The following CDC26 variants were observed in gnomAD, a reference collection of about 807,000 sequenced individuals.
CDC26 encodes the protein cell division cycle 26.
A neutral mutation model predicts 8.0 loss-of-function variants in CDC26; 2 were observed. The observed-to-expected ratio is 0.25, with a 90% CI of 0.10 to 0.79. The LOEUF is 0.79. Among genes scored for constraint, CDC26 ranks in the 30% least tolerant of loss-of-function variants. The probability of loss-of-function intolerance (pLI) is 0.70; values close to 1 mark genes in which losing one functional copy is unlikely to be tolerated. For missense variants in CDC26, 68 were observed against 106.0 expected (o/e 0.64, Z 1.57); for synonymous variants, 19 against 34.9 (o/e 0.55, Z 1.60).
intron 3 of CDC26, among the ~76,000 whole-genome samples, chr9:113,268,649 C>T (rs769008685): frequency 4.6e-5 from 7 of 152,236 alleles, no homozygotes; most frequent in Non-Finnish European, 1.0e-4. Flanking sequence ...ACCGCAGTGG[C>T]TCATGCCTGT....
At position 113,272,308 on chromosome 9, in the gene CDC26, C is replaced by T. The variant is rs1329619023; in HGVS notation, c.81+119G>A. 20 of 739,606 alleles carry T rather than the reference C, an allele frequency of 2.7e-5. 1 individual carries two copies. The highest frequency in any genetic ancestry group is 3.9e-4 in the Middle Eastern group (1 of 2,594). The allele number at this position is 739,606 out of a possible 1,614,324, so 45.8% of individuals were successfully genotyped here. On this transcript the variant is annotated intron_variant, in intron 3 of 3. Transcript: ENST00000374206. ...CTGGCATGAACCTGTGGTCCCAGCACGCGGGAGGCTGAGGCAGAGGAGGCA... is the reference window on the plus strand; with the variant it reads ...CTGGCATGAACCTGTGGTCCCAGCATGCGGGAGGCTGAGGCAGAGGAGGCA...
chr9:113,274,115 A>T (rs1365161002), intron 1 of CDC26, among the ~76,000 whole-genome samples: 2 of 152,196 alleles, frequency 1.3e-5, no homozygotes, highest in Non-Finnish European at 2.9e-5. Context: ...TTAACACAAA[A>T]ACCCTGTGAA....
chr9:113,267,511 C>G, intron 3 of CDC26, 72 bp from the exon 4 acceptor site: 1 of 1,523,280 alleles, frequency 6.6e-7, no homozygotes, highest in South Asian at 1.3e-5. Context: ...GAACACCTAC[C>G]ATGTACTAGG....
At chr9:113,273,963 T>C (rs1460151450) in intron 1 of CDC26, among the ~76,000 whole-genome samples, 1 of 152,220 alleles carries the variant, frequency 6.6e-6, no homozygotes, top group African/African-American at 2.4e-5. Context: ...TTAATATCTG[T>C]TGATGGCATC....
Position 113,267,395 on chromosome 9 carries a change from A to G in CDC26, c.126T>C (p.Ser42=). ...QKEDVEVVGG[S]DGEGAIGLSS... The stretch of plus-strand genomic sequence containing the variant: ...TAAGCCCAATGGCTCCTTCTCCATC[A>G]CTGCCTCCTACAACTTCCACATCTT... The change falls in exon 4 of 4, where the codon AGT becomes AGC. Residue 42 remains serine, a synonymous_variant. Coordinates refer to ENST00000374206, the MANE Select transcript of CDC26 (RefSeq NM_139286.4). 6.3e-7 allele frequency: 1 copy of G among 1,596,234 alleles called. No homozygotes were observed. Among genetic ancestry groups the G allele is most frequent in the Non-Finnish European group, 8.5e-7 (1 of 1,174,714 alleles).
At chr9:113,273,479 G>A (rs1278835768) in intron 1 of CDC26, 41 bp from the exon 2 acceptor site, 2 of 152,212 alleles carry the variant, frequency 1.3e-5, no homozygotes, top group Non-Finnish European at 2.9e-5. Context: ...ATCATGTAAT[G>A]AGAACCCTGA....
intron 3 of CDC26, 128 bp from the exon 4 acceptor site, chr9:113,267,567 A>AGTG: frequency 7.2e-6 from 9 of 1,247,474 alleles, no homozygotes; most frequent in Non-Finnish European, 1.0e-5. Context: ...AATAAACTGA[A>AGTG]ATCCTAGGTT....
intron 3 of CDC26, among the ~76,000 whole-genome samples, chr9:113,269,842 A>C (rs1305026515): frequency 1.3e-5 from 2 of 152,236 alleles, no homozygotes; most frequent in Non-Finnish European, 2.9e-5. Flanking sequence ...TGAAGCATAT[A>C]CAATACATAA....
At chr9:113,269,421 A>G (rs1831918560) in intron 3 of CDC26, among the ~76,000 whole-genome samples, 1 of 152,236 alleles carries the variant, frequency 6.6e-6, no homozygotes, top group African/African-American at 2.4e-5. Context: ...TCCAAATGGA[A>G]TGAAATCACT....
At chr9:113,274,583 T>C (rs547167007) in intron 1 of CDC26, among the ~76,000 whole-genome samples, 1 of 152,252 alleles carries the variant, frequency 6.6e-6, no homozygotes, top group Non-Finnish European at 1.5e-5. Flanking sequence ...TGCAAAAAAC[T>C]GGCCACTAGG....
chr9:113,268,815 C>T (rs1258413753), intron 3 of CDC26, among the ~76,000 whole-genome samples: 1 of 152,022 alleles, frequency 6.6e-6, no homozygotes, highest in Non-Finnish European at 1.5e-5. Flanking sequence ...AGTGTAGTGG[C>T]GCCATCTTGG....
intron 3 of CDC26, among the ~76,000 whole-genome samples, chr9:113,268,756 C>T (rs1002111333): frequency 6.6e-6 from 1 of 151,644 alleles, no homozygotes; most frequent in African/African-American, 2.4e-5. Flanking sequence ...TCTGTCTCCA[C>T]AATTTTTTTT....
intron 1 of CDC26, among the ~76,000 whole-genome samples, chr9:113,275,162 G>A (rs909218030): frequency 3.3e-5 from 5 of 152,114 alleles, no homozygotes; most frequent in Non-Finnish European, 7.4e-5. Flanking sequence ...AAGCTCAGAG[G>A]GGGAGCCTGG....
intron 2 of CDC26, 135 bp downstream of exon 2, chr9:113,273,194 C>A (rs1198783427): frequency 6.6e-6 from 1 of 152,222 alleles, no homozygotes; most frequent in African/African-American, 2.4e-5. Flanking sequence ...TAAACTATCA[C>A]ATCTTAGTAT....
At chr9:113,273,821 C>CA (rs149642304) in intron 1 of CDC26, among the ~76,000 whole-genome samples, 2,919 of 51,848 alleles carry the variant, frequency 0.056, 63 homozygotes, top group East Asian at 0.073. Context: ...GACCCCAACT[C>CA]AAAAAAAAAA....
chr9:113,272,410 C>A lies in CDC26; in HGVS notation c.81+17G>T. 6.3e-7 allele frequency: 1 copy of A among 1,597,962 alleles called. No homozygotes were observed. The highest frequency in any genetic ancestry group is 8.6e-7 in the Non-Finnish European group (1 of 1,167,080). On this transcript the variant is annotated intron_variant, in intron 3 of 3. Coordinates refer to ENST00000374206, the MANE Select transcript of CDC26 (RefSeq NM_139286.4). ...AGCGAGACTCCATCTCAAAAAAACA[C>A]AAAGTTGTATTCATACCTCCAGGTC...
rs548372656 is a variant in CDC26 at position 113,267,215 on chromosome 9, C to T, written c.*48G>A. The stretch of plus-strand genomic sequence containing the variant: ...CTCTAAATCTGGTTTGTACTTCTGC[C>T]ATCATTTTATTCCATTCCAGCGCTC... On this transcript the variant is annotated 3_prime_UTR_variant, in exon 4 of 4. Transcript: ENST00000374206. The T allele has an allele frequency of 8.3e-6, 10 of 1,206,764 alleles. No individual in the cohort carries two copies. The highest frequency in any genetic ancestry group is 1.0e-5 in the Non-Finnish European group (9 of 873,408). The allele number at this position is 1,206,764 out of a possible 1,614,324, so 74.8% of individuals were successfully genotyped here. A position where few individuals can be genotyped will look rare whatever the true frequency, so the allele number is the denominator to read the frequency against.
chr9:113,272,657 AATTTATTTGAATTTACAC>A (rs1831978092), intron 2 of CDC26, 109 bp from the exon 3 acceptor site: 2 of 592,646 alleles, frequency 3.4e-6, no homozygotes. Flanking sequence ...AAATATTAAA[AATTTATTTGAATTTACAC>A]ATAGACTTCT....
At chr9:113,269,286 A>C (rs1831916221) in intron 3 of CDC26, among the ~76,000 whole-genome samples, 1 of 152,226 alleles carries the variant, frequency 6.6e-6, no homozygotes, top group Admixed American at 6.5e-5. Context: ...GAATAAAATA[A>C]GGTATTGCCT....
Sources: allele counts gnomAD v4.1 joint callset (sites outside exome capture counted in the v4.1 genomes callset), GRCh38; gene constraint gnomAD v4.1.1; transcripts MANE v1.5; gene names NCBI Gene and HGNC (gene_info 2026-07-23, HGNC 2026-07-21).